Variants in OPCML observed in about 807,000 individuals in gnomAD.
The protein encoded by OPCML is opioid-binding protein/cell adhesion molecule.
Under a neutral mutation model 37.8 loss-of-function variants are expected in OPCML, and 13 were observed. The ratio of observed to expected loss-of-function variants is 0.34; its 90% CI spans 0.22 to 0.55. OPCML has a LOEUF of 0.55. OPCML is among the 20% of genes least tolerant of loss of function. The probability of loss-of-function intolerance (pLI) is 0.91; values close to 1 mark genes in which losing one functional copy is unlikely to be tolerated. For missense variants in OPCML, 341 were observed against 435.6 expected (o/e 0.78, Z 1.93); for synonymous variants, 176 against 168.8 (o/e 1.04, Z -0.33).
chr11:132,852,715 G>A (rs945000654), intron 2 of OPCML, among the ~76,000 whole-genome samples: 4 of 152,118 alleles, frequency 2.6e-5, no homozygotes, highest in African/African-American at 9.7e-5. Context: ...AGTAATTTTA[G>A]TATATCTTGA....
At chr11:133,476,049 A>G (rs1947231187) in intron 1 of OPCML, among the ~76,000 whole-genome samples, 1 of 152,186 alleles carries the variant, frequency 6.6e-6, no homozygotes, top group South Asian at 2.1e-4. Context: ...CAGCAAAATC[A>G]TGGCCCAGAC....
chr11:133,369,433 T>C (rs1324563487), intron 1 of OPCML, among the ~76,000 whole-genome samples: 2 of 152,218 alleles, frequency 1.3e-5, no homozygotes, highest in Non-Finnish European at 2.9e-5. Context: ...GCCAAGTTAT[T>C]AGCTTTATTG....
At chr11:132,649,905 G>A (rs1348027159) in intron 3 of OPCML, among the ~76,000 whole-genome samples, 1 of 151,196 alleles carries the variant, frequency 6.6e-6, no homozygotes, top group Non-Finnish European at 1.5e-5. Context: ...ACTCACGAAT[G>A]CCCTCACACA....
chr11:132,939,944 C>G (rs555837667), intron 2 of OPCML, among the ~76,000 whole-genome samples: 2 of 152,274 alleles, frequency 1.3e-5, no homozygotes, highest in African/African-American at 4.8e-5. Flanking sequence ...GTGAAGAGCA[C>G]CTTCATTTTC....
chr11:133,351,515 C>T (rs944561105), intron 1 of OPCML, among the ~76,000 whole-genome samples: 4 of 136,274 alleles, frequency 2.9e-5, no homozygotes, highest in Non-Finnish European at 3.1e-5. Flanking sequence ...TAGGTCATTG[C>T]TACTTCTGGG....
At chr11:132,478,739 C>T (rs1320311454) in intron 4 of OPCML, among the ~76,000 whole-genome samples, 8 of 152,092 alleles carry the variant, frequency 5.3e-5, no homozygotes, top group South Asian at 2.1e-4. Context: ...TGTTTGTGGT[C>T]ATTCTTTGGC....
chr11:132,771,216 A>T (rs767788334), intron 2 of OPCML, among the ~76,000 whole-genome samples: 10 of 152,228 alleles, frequency 6.6e-5, no homozygotes, highest in Non-Finnish European at 1.2e-4. Context: ...CATCCACCTC[A>T]GAAGAGAACA....
At position 133,450,784 on chromosome 11, in the gene OPCML, G is replaced by T. The variant is rs1228446338; in HGVS notation, c.61+81480C>A. ...TGGTCCTATTGGAGTGACAGTTATT[G>T]TCCTGGATAGCTCAATGTGATATTG... On this transcript the variant is annotated intron_variant, in intron 1 of 7. Coordinates refer to ENST00000524381, the MANE Select transcript of OPCML (RefSeq NM_001012393.5). Among the ~76,000 whole-genome samples the T allele has an allele frequency of 1.3e-5, 2 of 151,556 alleles. 1 individual carries two copies. The highest frequency in any genetic ancestry group is 4.9e-5 in the African/African-American group (2 of 40,914).
intron 2 of OPCML, among the ~76,000 whole-genome samples, chr11:132,678,340 T>C (rs1315595493): frequency 6.6e-6 from 1 of 152,234 alleles, no homozygotes; most frequent in Non-Finnish European, 1.5e-5. Flanking sequence ...GTTGACAGTT[T>C]TGTACAAAAT....
intron 1 of OPCML, among the ~76,000 whole-genome samples, chr11:133,194,921 G>A (rs1194834488): frequency 1.3e-5 from 2 of 152,136 alleles, no homozygotes; most frequent in Admixed American, 6.5e-5. Flanking sequence ...AGACACTTAA[G>A]GTGCAGCTCG....
At chr11:132,434,348 G>A (rs530743509) in intron 7 of OPCML, among the ~76,000 whole-genome samples, 3 of 152,284 alleles carry the variant, frequency 2.0e-5, no homozygotes, top group African/African-American at 7.2e-5. Context: ...GAACAGTAGG[G>A]TTGAGGGTCT....
intron 1 of OPCML, among the ~76,000 whole-genome samples, chr11:133,145,460 G>C (rs1949883922): frequency 6.6e-6 from 1 of 152,136 alleles, no homozygotes. Flanking sequence ...TTAGGCATGG[G>C]GATAGGAGTA....
chr11:132,852,721 C>G (rs979116920), intron 2 of OPCML, among the ~76,000 whole-genome samples: 2 of 152,068 alleles, frequency 1.3e-5, no homozygotes, highest in Non-Finnish European at 2.9e-5. Context: ...TTTAGTATAT[C>G]TTGACTCCTG....
chr11:132,809,014 G>T (rs1939178128), intron 2 of OPCML, among the ~76,000 whole-genome samples: 1 of 152,064 alleles, frequency 6.6e-6, no homozygotes, highest in Non-Finnish European at 1.5e-5. Flanking sequence ...TTAAAAGTTT[G>T]CTTGTTTTTA....
chr11:133,499,819 T>TAC (rs1555167623), intron 1 of OPCML, among the ~76,000 whole-genome samples: 27 of 140,736 alleles, frequency 1.9e-4, no homozygotes, highest in South Asian at 4.4e-4. Flanking sequence ...TATATATATA[T>TAC]ACACACATAT....
chr11:133,166,283 C>T (rs1369455063), intron 1 of OPCML, among the ~76,000 whole-genome samples: 1 of 152,160 alleles, frequency 6.6e-6, no homozygotes, highest in Non-Finnish European at 1.5e-5. Flanking sequence ...GTGCTAGGAG[C>T]TGTTATATGT....
At chr11:132,668,053 C>T (rs977425135) in intron 2 of OPCML, among the ~76,000 whole-genome samples, 9 of 152,018 alleles carry the variant, frequency 5.9e-5, no homozygotes, top group African/African-American at 9.7e-5. Flanking sequence ...GAGGGGCTGA[C>T]GGATACAGAG....
intron 3 of OPCML, among the ~76,000 whole-genome samples, chr11:132,619,294 A>G (rs1457569135): frequency 6.6e-6 from 1 of 152,158 alleles, no homozygotes; most frequent in East Asian, 1.9e-4. Flanking sequence ...GTATTGCATT[A>G]CTACATATAT....
chr11:132,907,655 G>A (rs1215006483), intron 2 of OPCML, among the ~76,000 whole-genome samples: 1 of 150,918 alleles, frequency 6.6e-6, no homozygotes, highest in Non-Finnish European at 1.5e-5. Context: ...AAGAAGAAAA[G>A]AAAAAGAAAT....
Sources: allele counts gnomAD v4.1 joint callset (sites outside exome capture counted in the v4.1 genomes callset), GRCh38; gene constraint gnomAD v4.1.1; transcripts MANE v1.5; gene names NCBI Gene and HGNC (gene_info 2026-07-23, HGNC 2026-07-21).